SMG5: variants seen among roughly 807,000 people sequenced by gnomAD.
SMG5 encodes the protein SMG5 nonsense mediated mRNA decay factor, also known as nonsense-mediated mRNA decay factor SMG5.
In SMG5, 53 loss-of-function variants were observed where a neutral mutation model predicts 122.9. The observed-to-expected ratio is 0.43, with a 90% confidence interval of 0.35 to 0.54. The LOEUF is 0.54. Ranked by LOEUF, SMG5 falls within the 20% of genes least tolerant of loss-of-function variation. The pLI, the probability that SMG5 is intolerant of heterozygous loss-of-function variation, is 0.01. For synonymous variants in SMG5, 477 were observed against 490.2 expected, an observed-to-expected ratio of 0.97 and a Z score of 0.35; for missense variants, 1,153 against 1,285.6, an observed-to-expected ratio of 0.90 and a Z score of 1.58.
upstream of SMG5, chr1:156,285,317 C>T (rs142113954): frequency 1.8e-4 from 284 of 1,574,564 alleles, 2 homozygotes; most frequent in South Asian, 1.7e-3. Context: ...TCCCAATGGC[C>T]GGCAGCCAGA....
chr1:156,260,645 C>T lies in SMG5; in HGVS notation c.2108-19G>A, dbSNP rs758347085. 1.0e-5 allele frequency: 15 copies of T among 1,483,246 alleles called. No individual in the cohort carries two copies. Among genetic ancestry groups the T allele is most frequent in the Non-Finnish European group, 1.3e-5 (15 of 1,119,766 alleles). The allele number at this position is 1,483,246 out of a possible 1,614,324, so 91.9% of individuals were successfully genotyped here. A position where few individuals can be genotyped will look rare whatever the true frequency, so the allele number is the denominator to read the frequency against. On this transcript the variant is annotated intron_variant, in intron 14 of 21. Coordinates refer to ENST00000361813, the MANE Select transcript of SMG5 (RefSeq NM_015327.3). ...GCCAGGCCTGGGCAGAAGAAGGACACATAAGACCATCTGTCCTGTGGGAAC... is the reference window on the plus strand; with the variant it reads ...GCCAGGCCTGGGCAGAAGAAGGACATATAAGACCATCTGTCCTGTGGGAAC...
chr1:156,274,453 G>C (rs990705280), intron 5 of SMG5, 144 bp downstream of exon 5: 4 of 692,284 alleles, frequency 5.8e-6, no homozygotes, highest in Non-Finnish European at 1.0e-5. Flanking sequence ...AGGGATCACT[G>C]AAACAGATGG....
rs1250863978 is a variant in SMG5, at chr1:156,260,473, G to A, written c.2261C>T (p.Pro754Leu). 1.3e-6 allele frequency: 2 copies of A among 1,596,302 alleles called. No homozygotes were observed. The highest frequency in any genetic ancestry group is 3.6e-5 in the Admixed American group (2 of 55,850). Residue 754 changes from proline to leucine, a missense_variant, in exon 15 of 22, where the codon CCC (proline) becomes CTC (leucine). Physicochemically the swap from Pro to Leu is moderately conservative, Grantham distance 98. Transcript: ENST00000361813. ...TACCTCCTCTAAGGTGCTGAGCAGG[G>A]GCCGATCCGTGTCAAAGTTAAAGCG... The part of the protein sequence containing the change: ...HRRFNFDTDR[P>L]LLSTLEESVV...
intron 16 of SMG5, among the ~76,000 whole-genome samples, chr1:156,254,786 G>A (rs569208683): frequency 9.9e-5 from 15 of 152,148 alleles, no homozygotes; most frequent in Non-Finnish European, 1.8e-4. Context: ...TCATCAAAGT[G>A]GTGCTTTAAA....
At chr1:156,266,455 C>T (rs964371555) in intron 11 of SMG5, 75 bp from the exon 12 acceptor site, 3 of 1,603,882 alleles carry the variant, frequency 1.9e-6, no homozygotes, top group Non-Finnish European at 2.6e-6. Context: ...TCTCCAACAC[C>T]ACTTCCCCCG....
At chr1:156,254,486 C>A (rs1000247671) in intron 16 of SMG5, among the ~76,000 whole-genome samples, 1 of 152,170 alleles carries the variant, frequency 6.6e-6, no homozygotes, top group Non-Finnish European at 1.5e-5. Context: ...CTATGTCACT[C>A]AGGCTGGAGT....
chr1:156,267,890 A>G (rs1273049549), intron 9 of SMG5, among the ~76,000 whole-genome samples: 1 of 152,152 alleles, frequency 6.6e-6, no homozygotes, highest in Non-Finnish European at 1.5e-5. Flanking sequence ...TCCCTCTTCA[A>G]CATCTCCTAA....
upstream of SMG5, among the ~76,000 whole-genome samples, chr1:156,283,695 C>T (rs1663066011): frequency 6.6e-6 from 1 of 152,214 alleles, no homozygotes; most frequent in Non-Finnish European, 1.5e-5. Flanking sequence ...CCTTCTACCA[C>T]TATGCTCCTG....
intron 16 of SMG5, 137 bp downstream of exon 16, chr1:156,258,868 A>C: frequency 9.4e-7 from 1 of 1,059,106 alleles, no homozygotes; most frequent in Non-Finnish European, 1.3e-6. Flanking sequence ...CCTCCCTCCC[A>C]GCCTCCCCTC....
chr1:156,253,714 G>C, intron 16 of SMG5: 1 of 605,160 alleles, frequency 1.7e-6, no homozygotes, highest in Non-Finnish European at 3.0e-6. Context: ...CCAACCCGAT[G>C]CAGGTCATGA....
At chr1:156,263,296 T>C in intron 13 of SMG5, 99 bp downstream of exon 13, 1 of 1,332,940 alleles carries the variant, frequency 7.5e-7, no homozygotes, top group Non-Finnish European at 1.0e-6. Flanking sequence ...CAATAATTCT[T>C]GCCTTGGCCA....
intron 11 of SMG5, 71 bp from the exon 12 acceptor site, chr1:156,266,451 A>G: frequency 6.2e-7 from 1 of 1,603,996 alleles, no homozygotes; most frequent in Non-Finnish European, 8.5e-7. Context: ...GTGCTCTCCA[A>G]CACCACTTCC....
chr1:156,256,636 T>A (rs1003339898), intron 16 of SMG5, among the ~76,000 whole-genome samples: 1 of 152,024 alleles, frequency 6.6e-6, no homozygotes, highest in Non-Finnish European at 1.5e-5. Context: ...AAGATGGAGC[T>A]GTGCTAATAT....
chr1:156,257,108 G>T (rs939111631), intron 16 of SMG5, among the ~76,000 whole-genome samples: 2 of 151,906 alleles, frequency 1.3e-5, no homozygotes, highest in African/African-American at 4.8e-5. Context: ...TGTATTTTTA[G>T]TAGAGACGAG....
chr1:156,283,070 G>C, upstream of SMG5: 1 of 409,548 alleles, frequency 2.4e-6, no homozygotes, highest in Non-Finnish European at 4.3e-6. Flanking sequence ...GGGCAGGTGA[G>C]CTTACAGCTA....
chr1:156,267,385 A>C (rs549445082), intron 10 of SMG5, 85 bp downstream of exon 10: 2 of 1,375,284 alleles, frequency 1.5e-6, no homozygotes, highest in South Asian at 2.5e-5. Flanking sequence ...TGTGGAAGGA[A>C]GTTTATGAAT....
At chr1:156,263,600 A>AT in intron 12 of SMG5, 30 bp from the exon 13 acceptor site, 1 of 1,604,058 alleles carries the variant, frequency 6.2e-7, no homozygotes, top group South Asian at 1.1e-5. Context: ...AAGAGAAAAA[A>AT]ACTGGGATAA....
At chr1:156,260,839 T>C (rs941149811) in intron 14 of SMG5, among the ~76,000 whole-genome samples, 5 of 152,112 alleles carry the variant, frequency 3.3e-5, no homozygotes, top group African/African-American at 9.7e-5. Flanking sequence ...AGAACAAGGA[T>C]GGCTCAGGTC....
chr1:156,251,532 T>G, intron 19 of SMG5, 55 bp from the exon 20 acceptor site: 1 of 1,582,728 alleles, frequency 6.3e-7, no homozygotes, highest in Non-Finnish European at 8.7e-7. Flanking sequence ...CAGGGTGCCT[T>G]ACACAAAGCA....
Sources: gnomAD v4.1 joint callset for allele counts (sites outside exome capture counted in the v4.1 genomes callset) on GRCh38, gnomAD v4.1.1 for gene constraint, MANE v1.5 for transcripts, NCBI Gene and HGNC (gene_info 2026-07-23, HGNC 2026-07-21) for gene names.